CCDC102B: variants seen among roughly 807,000 people sequenced by gnomAD.
The protein encoded by CCDC102B is coiled-coil domain-containing protein 102B.
A neutral mutation model predicts 57.4 loss-of-function variants in CCDC102B; 75 were observed. The observed-to-expected ratio is 1.31, with a 90% CI of 1.08 to 1.58. CCDC102B has a LOEUF of 1.58. Among genes scored for constraint, CCDC102B ranks in the 40% most tolerant of loss-of-function variants. CCDC102B has a pLI of 0.00. For missense variants in CCDC102B, 636 were observed against 582.6 expected (o/e 1.09, Z -0.94); for synonymous variants, 206 against 201.9 (o/e 1.02, Z -0.17).
intron 2 of CCDC102B, among the ~76,000 whole-genome samples, chr18:68,747,950 C>T (rs2033686992): frequency 6.6e-6 from 1 of 151,998 alleles, no homozygotes; most frequent in Non-Finnish European, 1.5e-5. Context: ...TTCTGTTTTC[C>T]CTAGTCATTT....
chr18:68,815,522 C>G (rs1441566293), intron 1 of CCDC102B, among the ~76,000 whole-genome samples: 1 of 152,044 alleles, frequency 6.6e-6, no homozygotes, highest in Non-Finnish European at 1.5e-5. Context: ...GGCATGGAAA[C>G]ACATGTATTA....
chr18:68,833,262 C>T (rs578199661), intron 1 of CCDC102B, among the ~76,000 whole-genome samples: 6 of 151,992 alleles, frequency 3.9e-5, no homozygotes, highest in Non-Finnish European at 7.4e-5. Context: ...ATCATTAAGA[C>T]GGGGATAATA....
chr18:68,837,636 T>G (rs1282515518), intron 2 of CCDC102B, among the ~76,000 whole-genome samples: 1 of 152,182 alleles, frequency 6.6e-6, no homozygotes, highest in African/African-American at 2.4e-5. Context: ...TCCCTGTGTC[T>G]TCACATGGTC....
intron 6 of CCDC102B, among the ~76,000 whole-genome samples, chr18:68,951,151 G>A (rs754249331): frequency 2.0e-5 from 3 of 152,050 alleles, no homozygotes; most frequent in Non-Finnish European, 4.4e-5. Context: ...CTGGAGTAGG[G>A]GAAGGGAAAG....
At chr18:68,745,427 C>G (rs2033576120) in intron 2 of CCDC102B, among the ~76,000 whole-genome samples, 1 of 146,338 alleles carries the variant, frequency 6.8e-6, no homozygotes, top group African/African-American at 2.5e-5. Context: ...AAATATTTGT[C>G]CTTCAATGCC....
At chr18:68,901,287 T>C (rs2040443151) in intron 6 of CCDC102B, among the ~76,000 whole-genome samples, 1 of 152,128 alleles carries the variant, frequency 6.6e-6, no homozygotes, top group Non-Finnish European at 1.5e-5. Context: ...ATGGTAAATA[T>C]TTTAAACTAT....
chr18:68,997,654 A>G (rs2051067060), intron 6 of CCDC102B, among the ~76,000 whole-genome samples: 1 of 151,948 alleles, frequency 6.6e-6, no homozygotes, highest in Non-Finnish European at 1.5e-5. Context: ...ATGTTATTTA[A>G]TTTTGATCTT....
chr18:68,991,762 A>T (rs911314651), intron 6 of CCDC102B, among the ~76,000 whole-genome samples: 15 of 152,234 alleles, frequency 9.9e-5, no homozygotes, highest in African/African-American at 3.6e-4. Flanking sequence ...GAGTCAGGAT[A>T]TATAGTAGAT....
chr18:68,861,918 A>G (rs1013526468), intron 4 of CCDC102B, among the ~76,000 whole-genome samples: 2 of 152,204 alleles, frequency 1.3e-5, no homozygotes, highest in Non-Finnish European at 2.9e-5. Flanking sequence ...TTTTTAGATT[A>G]AAAATGGAAT....
chr18:69,006,395 T>TGA (rs1268995435), intron 6 of CCDC102B, among the ~76,000 whole-genome samples: 45 of 3,074 alleles, frequency 0.015, no homozygotes, highest in African/African-American at 0.018. Context: ...GCTTTGAGAT[T>TGA]TATTTATTTA....
At chr18:68,852,622 G>T (rs539461053) in intron 4 of CCDC102B, among the ~76,000 whole-genome samples, 1 of 151,804 alleles carries the variant, frequency 6.6e-6, no homozygotes, top group South Asian at 2.1e-4. Flanking sequence ...TTTTTTTTCT[G>T]AATATTTCTG....
In CCDC102B at chr18:68,976,163, G is replaced by C. The variant is rs1174696259; in HGVS notation, c.1264-34771G>C. ...TAGGTTTCAAGTAATTGGTACATTT[G>C]TATTTATGTATACAGCAAACTGCTG... On this transcript the variant is annotated intron_variant, in intron 6 of 7. Transcript: ENST00000360242. 2.6e-5 allele frequency among the ~76,000 whole-genome samples: 4 copies of C among 152,032 alleles called. No individual in the cohort carries two copies. In the South Asian group the frequency reaches 8.3e-4, roughly 32 times the overall value.
In CCDC102B at chr18:69,047,641, T is replaced by C. The variant is rs145619042; in HGVS notation, c.1435-6389T>C. Among the ~76,000 whole-genome samples the C allele has an allele frequency of 8.9e-3, 1,356 of 152,144 alleles. 19 individuals are homozygous for C. The highest frequency in any genetic ancestry group is 0.011 in the Non-Finnish European group (750 of 67,948). On this transcript the variant is annotated intron_variant, in intron 7 of 7. Transcript: ENST00000360242. ...ACGTGATTCTATATCTAAAAAAACCTCATCATCTGTTCCCAAAATCTCCTT... is the reference window on the plus strand; with the variant it reads ...ACGTGATTCTATATCTAAAAAAACCCCATCATCTGTTCCCAAAATCTCCTT...
intron 6 of CCDC102B, among the ~76,000 whole-genome samples, chr18:68,990,651 T>C (rs1185649573): frequency 6.6e-6 from 1 of 152,228 alleles, no homozygotes; most frequent in East Asian, 1.9e-4. Flanking sequence ...GTTTTCGCTA[T>C]CAAAATTATT....
Position 68,805,259 on chromosome 18 carries a change from T to C in CCDC102B, c.-16+7078T>C, listed in dbSNP as rs370357608. Among the ~76,000 whole-genome samples, 7 of 152,296 alleles carry C rather than the reference T, an allele frequency of 4.6e-5. No homozygotes were observed. The East Asian group carries it at 1.4e-3, about 29-fold the overall frequency. ...TAATGTATGGGATTATTCAGTAGAA[T>C]GTTTGTGATTTAATCAGGGAAAAAT... is the stretch of plus-strand genomic sequence containing the variant. On this transcript the variant is annotated intron_variant, in intron 1 of 7. Coordinates refer to ENST00000360242, the MANE Select transcript of CCDC102B (RefSeq NM_024781.3).
chr18:68,816,496 C>T (rs1338704975), intron 1 of CCDC102B, among the ~76,000 whole-genome samples: 3 of 106,032 alleles, frequency 2.8e-5, no homozygotes. Context: ...GACGGAGTCT[C>T]GCTCTGTAGC....
chr18:69,017,256 T>G (rs1485910967), intron 7 of CCDC102B, among the ~76,000 whole-genome samples: 1 of 151,986 alleles, frequency 6.6e-6, no homozygotes, highest in Non-Finnish European at 1.5e-5. Context: ...GCTGGGATTA[T>G]AGGTGCTTGC....
chr18:68,888,640 G>C (rs534729381), intron 5 of CCDC102B, among the ~76,000 whole-genome samples: 8 of 152,144 alleles, frequency 5.3e-5, no homozygotes, highest in Non-Finnish European at 1.2e-4. Flanking sequence ...CATCAGGGTT[G>C]AGAACCACTG....
intron 2 of CCDC102B, among the ~76,000 whole-genome samples, chr18:68,733,747 C>A (rs1006708428): frequency 6.6e-6 from 1 of 151,920 alleles, no homozygotes; most frequent in African/African-American, 2.4e-5. Context: ...TTTATAACTT[C>A]AACGATTAAA....
Sources: gnomAD v4.1 joint callset for allele counts (sites outside exome capture counted in the v4.1 genomes callset) on GRCh38, gnomAD v4.1.1 for gene constraint, MANE v1.5 for transcripts, NCBI Gene and HGNC (gene_info 2026-07-23, HGNC 2026-07-21) for gene names.